The following DLG2 variants were observed in gnomAD, a reference collection of about 807,000 sequenced individuals.
The protein encoded by DLG2 is disks large homolog 2.
In DLG2, 45 loss-of-function variants were observed where a neutral mutation model predicts 132.5. That is an observed-to-expected ratio of 0.34 (90% confidence interval 0.27 to 0.44). The LOEUF is 0.44. Ranked by LOEUF, DLG2 falls within the 20% of genes least tolerant of loss-of-function variation. The probability of loss-of-function intolerance (pLI) is 1.00; values close to 1 mark genes in which losing one functional copy is unlikely to be tolerated. For synonymous variants in DLG2, 424 were observed against 419.6 expected (o/e 1.01, Z -0.13); for missense variants, 1,045 against 1,196.9 (o/e 0.87, Z 1.87).
intron 3 of DLG2, among the ~76,000 whole-genome samples, chr11:85,423,446 T>C (rs1170286880): frequency 1.3e-5 from 2 of 151,994 alleles, no homozygotes; most frequent in African/African-American, 4.8e-5. Context: ...GTATCAGCTG[T>C]GGTAATATGG....
At chr11:85,607,207 G>A (rs779895539) in intron 2 of DLG2, among the ~76,000 whole-genome samples, 8 of 152,158 alleles carry the variant, frequency 5.3e-5, no homozygotes, top group African/African-American at 1.4e-4. Flanking sequence ...CACAGCCGCC[G>A]GACTAAAGAC....
intron 6 of DLG2, among the ~76,000 whole-genome samples, chr11:84,763,507 C>A (rs1172248337): frequency 6.6e-6 from 1 of 152,120 alleles, no homozygotes; most frequent in Admixed American, 6.6e-5. Context: ...TCTGCCCAAC[C>A]CCTCTGATTG....
At chr11:84,385,452 T>C (rs2098765969) in intron 7 of DLG2, among the ~76,000 whole-genome samples, 1 of 152,282 alleles carries the variant, frequency 6.6e-6, no homozygotes, top group African/African-American at 2.4e-5. Flanking sequence ...CCAGAGCTCA[T>C]GATCTCTTTG....
intron 3 of DLG2, among the ~76,000 whole-genome samples, chr11:85,351,195 A>G (rs2083262343): frequency 1.3e-5 from 2 of 152,186 alleles, no homozygotes; most frequent in Admixed American, 1.3e-4. Flanking sequence ...TTCACTCATG[A>G]TTTGGCTCTC....
rs1237068041 is a variant in DLG2 at position 85,137,745 on chromosome 11, TCC to T, written c.282+16809_282+16810del. ...AGAAATCCACCCACCTGGCCTCCTA[TCC>T]CTGTCTATCTGTTCCCCATATACCC... On this transcript the variant is annotated intron_variant, in intron 5 of 27. Coordinates refer to ENST00000376104, the MANE Select transcript of DLG2 (RefSeq NM_001142699.3). Among the ~76,000 whole-genome samples the T allele has an allele frequency of 2.6e-5, 4 of 152,082 alleles. No individual in the cohort carries two copies. The East Asian group carries it at 7.7e-4, about 29-fold the overall frequency.
At chr11:84,746,804 T>C (rs2065428131) in intron 6 of DLG2, among the ~76,000 whole-genome samples, 2 of 152,162 alleles carry the variant, frequency 1.3e-5, no homozygotes, top group African/African-American at 2.4e-5. Flanking sequence ...CCCACTTCCC[T>C]GCCAATCTTT....
rs546264348 is a variant in DLG2, at chr11:84,835,181, G to A, written c.357+276480C>T. ...CTCTGGGCTATTTGTGCTGTATTTA[G>A]AGCCAGATTTCAAATCCAAGAGGGC... On this transcript the variant is annotated intron_variant, in intron 6 of 27. Coordinates refer to ENST00000376104, the MANE Select transcript of DLG2 (RefSeq NM_001142699.3). Among the ~76,000 whole-genome samples, 5 of 151,758 alleles carry A rather than the reference G, an allele frequency of 3.3e-5. No homozygotes were observed. The East Asian group carries it at 9.8e-4, about 30-fold the overall frequency.
intron 6 of DLG2, among the ~76,000 whole-genome samples, chr11:84,756,890 A>G (rs1455693042): frequency 2.0e-5 from 3 of 152,158 alleles, no homozygotes; most frequent in Non-Finnish European, 4.4e-5. Flanking sequence ...AATTTCCCCT[A>G]AACTGGATAA....
intron 6 of DLG2, among the ~76,000 whole-genome samples, chr11:84,708,050 T>C (rs941509091): frequency 1.3e-5 from 2 of 151,798 alleles, no homozygotes; most frequent in East Asian, 1.9e-4. Flanking sequence ...GCCAAATTTA[T>C]GTATAAACAT....
chr11:83,944,569 A>G (rs766247274), intron 14 of DLG2, among the ~76,000 whole-genome samples: 1 of 152,240 alleles, frequency 6.6e-6, no homozygotes, highest in Non-Finnish European at 1.5e-5. Flanking sequence ...TGGAATGAGG[A>G]CACAGGGAAT....
chr11:84,522,306 C>T (rs61897755), intron 7 of DLG2, among the ~76,000 whole-genome samples: 13,722 of 152,062 alleles, frequency 0.09, 662 homozygotes, highest in South Asian at 0.15. Flanking sequence ...TCTAGAGTAA[C>T]TTCAATTACT....
At chr11:83,671,282 T>C (rs1280334500) in intron 18 of DLG2, among the ~76,000 whole-genome samples, 3 of 152,230 alleles carry the variant, frequency 2.0e-5, no homozygotes, top group African/African-American at 7.2e-5. Flanking sequence ...GTGTGGTATA[T>C]AGAACATAAA....
At chr11:84,705,765 G>T (rs893425586) in intron 6 of DLG2, among the ~76,000 whole-genome samples, 5 of 151,678 alleles carry the variant, frequency 3.3e-5, no homozygotes, top group Non-Finnish European at 5.9e-5. Flanking sequence ...GAAATTATAT[G>T]CAGATAAAAA....
chr11:83,850,745 C>T (rs2059599053), intron 16 of DLG2, among the ~76,000 whole-genome samples: 1 of 152,174 alleles, frequency 6.6e-6, no homozygotes, highest in Admixed American at 6.5e-5. Context: ...TTTCTTCATT[C>T]ATTTAACCAA....
chr11:83,941,130 A>C (rs1239966187), intron 14 of DLG2, among the ~76,000 whole-genome samples: 4 of 152,256 alleles, frequency 2.6e-5, no homozygotes, highest in East Asian at 1.9e-4. Flanking sequence ...ATAACAAATA[A>C]TTTTTTAGTA....
intron 6 of DLG2, among the ~76,000 whole-genome samples, chr11:84,870,589 G>C (rs10501578): frequency 0.028 from 4,312 of 152,236 alleles, 223 homozygotes; most frequent in African/African-American, 0.1. Context: ...ACTCGCAATA[G>C]CTGTTGACAA....
chr11:84,687,321 GAGATT>G (rs1160846529), intron 6 of DLG2: 1 of 152,064 alleles, frequency 6.6e-6, no homozygotes, highest in African/African-American at 2.4e-5. Flanking sequence ...GGTTGTTGTG[GAGATT>G]AGATGAGAAT....
intron 3 of DLG2, among the ~76,000 whole-genome samples, chr11:85,580,122 AC>A (rs929019701): frequency 2.0e-5 from 3 of 152,186 alleles, no homozygotes; most frequent in African/African-American, 7.2e-5. Flanking sequence ...TTTGCCTGCC[AC>A]CATCCATGTA....
At chr11:83,624,959 C>T (rs558583938) in intron 19 of DLG2, among the ~76,000 whole-genome samples, 1 of 152,254 alleles carries the variant, frequency 6.6e-6, no homozygotes, top group South Asian at 2.1e-4. Context: ...GTTACCTTTG[C>T]CCCCACTAAG....
Sources: gnomAD v4.1 joint callset for allele counts (sites outside exome capture counted in the v4.1 genomes callset) on GRCh38, gnomAD v4.1.1 for gene constraint, MANE v1.5 for transcripts, NCBI Gene and HGNC (gene_info 2026-07-23, HGNC 2026-07-21) for gene names.